The following ZMAT1 variants were observed in gnomAD, a reference collection of about 807,000 sequenced individuals.
ZMAT1 encodes zinc finger matrin-type 1.
ZMAT1 carries 11 observed loss-of-function variants against 18.5 expected under a neutral mutation model. The ratio of observed to expected loss-of-function variants is 0.59; its 90% CI spans 0.37 to 0.98. ZMAT1 has a LOEUF of 0.98. ZMAT1 is among the 50% of genes least tolerant of loss of function. The probability of loss-of-function intolerance (pLI) is 0.01; values close to 1 mark genes in which losing one functional copy is unlikely to be tolerated. For synonymous variants in ZMAT1, 211 were observed against 176.4 expected (o/e 1.20, Z -1.55); for missense variants, 525 against 496.2 (o/e 1.06, Z -0.55).
rs1308759146 is a variant in ZMAT1 at position 101,884,509 on chromosome X, A to G, written c.1089T>C (p.Asp363=). Residue 363 remains aspartate (D), a synonymous_variant, in exon 6 of 6, where the codon GAT becomes GAC. Transcript: ENST00000651725. ...GTACTTTGATGTAATCTTCAAGTTC[A>G]TCTTGGAAAGAGTCATATGTCTTCT... ...HSKKTYDSFQ[D]ELEDYIKVQK... 5 of 1,211,362 alleles carry G rather than the reference A, an allele frequency of 4.1e-6. No homozygotes were observed. In the East Asian group the frequency reaches 1.5e-4, roughly 36 times the overall value.
At chrX:101,892,081 G>A (rs982154811) in intron 4 of ZMAT1, among the ~76,000 whole-genome samples, 1 of 110,833 alleles carries the variant, frequency 9.0e-6, no homozygotes, top group African/African-American at 3.3e-5. Flanking sequence ...GGAGTGTAGC[G>A]GGGGAAGAGA....
chrX:101,905,293 T>C (rs1928533859), intron 1 of ZMAT1, among the ~76,000 whole-genome samples: 1 of 112,429 alleles, frequency 8.9e-6, no homozygotes, highest in African/African-American at 3.2e-5. Flanking sequence ...TATCTAGAAA[T>C]GTATGCTATA....
intron 1 of ZMAT1, among the ~76,000 whole-genome samples, chrX:101,928,350 TTTTC>T (rs1460690923): frequency 8.9e-6 from 1 of 111,843 alleles, no homozygotes; most frequent in African/African-American, 3.3e-5. Flanking sequence ...ACCCACTAGA[TTTTC>T]TTTTTCTTTC....
chrX:101,904,371 A>C lies in ZMAT1; in HGVS notation c.293-41T>G, dbSNP rs772093922. On this transcript the variant is annotated intron_variant, in intron 1 of 5. Transcript: ENST00000651725. The stretch of plus-strand genomic sequence containing the variant: ...GGAAGACAAATATATCACATTAATA[A>C]ATATTTAGAGGTATCATTTTTCATT... The C allele has an allele frequency of 3.1e-6, 3 of 972,367 alleles. 1 individual carries two copies. The South Asian group carries it at 6.7e-5, about 22-fold the overall frequency. The allele number at this position is 972,367 out of a possible 1,213,427, so 80.1% of individuals were successfully genotyped here.
intron 4 of ZMAT1, among the ~76,000 whole-genome samples, chrX:101,893,601 G>A (rs763130815): frequency 3.0e-4 from 34 of 111,680 alleles, no homozygotes; most frequent in African/African-American, 1.1e-3. Context: ...CTATTGAAGT[G>A]GTCCTATTTC....
At position 101,918,937 on chromosome X, in the gene ZMAT1, C is replaced by T. The variant is rs1055537855; in HGVS notation, c.292+12780G>A. On this transcript the variant is annotated intron_variant, in intron 1 of 5. Coordinates refer to ENST00000651725, the MANE Select transcript of ZMAT1 (RefSeq NM_001394560.1). ...CATTTCCATGAAGCCTATGAAAATA[C>T]TAGTGCTCCTATAACTTTTCGTTTA... Among the ~76,000 whole-genome samples, 8 of 110,869 alleles carry T rather than the reference C, an allele frequency of 7.2e-5. No homozygotes were observed. In the East Asian group the frequency reaches 2.3e-3, roughly 32 times the overall value.
At chrX:101,888,676 T>C (rs1232281876) in intron 4 of ZMAT1, 1 of 111,730 alleles carries the variant, frequency 9.0e-6, no homozygotes, top group African/African-American at 3.3e-5. Context: ...TGTCTTTGAA[T>C]GTGACTCAAC....
chrX:101,891,632 T>G (rs758721162), intron 4 of ZMAT1, among the ~76,000 whole-genome samples: 76 of 110,773 alleles, frequency 6.9e-4, no homozygotes, highest in African/African-American at 2.4e-3. Context: ...TGCCATTCTT[T>G]AAAGAAAGAT....
chrX:101,885,699 C>A (rs1430523387), intron 5 of ZMAT1, among the ~76,000 whole-genome samples: 1 of 111,075 alleles, frequency 9.0e-6, no homozygotes, highest in Non-Finnish European at 1.9e-5. Flanking sequence ...TATTTATTTT[C>A]TTGAGACAGG....
intron 2 of ZMAT1, among the ~76,000 whole-genome samples, chrX:101,900,552 A>C (rs1455540912): frequency 8.9e-6 from 1 of 111,841 alleles, no homozygotes; most frequent in African/African-American, 3.3e-5. Context: ...CATTTGTTGA[A>C]TAGGGTGTCC....
chrX:101,908,078 C>T (rs182667634), intron 1 of ZMAT1, among the ~76,000 whole-genome samples: 7 of 112,093 alleles, frequency 6.2e-5, no homozygotes, highest in East Asian at 2.8e-4. Flanking sequence ...TAACTAGAAA[C>T]GTGTAAAAAA....
At chrX:101,917,329 G>T (rs181265471) in intron 1 of ZMAT1, among the ~76,000 whole-genome samples, 28 of 111,748 alleles carry the variant, frequency 2.5e-4, no homozygotes, top group African/African-American at 8.5e-4. Context: ...GGAACTCAAA[G>T]AACTCCAATG....
intron 1 of ZMAT1, among the ~76,000 whole-genome samples, chrX:101,920,400 T>C (rs1929643356): frequency 8.9e-6 from 1 of 111,751 alleles, no homozygotes; most frequent in Non-Finnish European, 1.9e-5. Flanking sequence ...GAGATGGAGC[T>C]TTGACTTTAC....
intron 1 of ZMAT1, among the ~76,000 whole-genome samples, chrX:101,914,846 G>A (rs1006359812): frequency 1.4e-4 from 16 of 111,553 alleles, no homozygotes; most frequent in African/African-American, 5.2e-4. Flanking sequence ...TATGATGCCA[G>A]TATTACCCTG....
At chrX:101,886,787 C>T in intron 4 of ZMAT1, 56 bp from the exon 5 acceptor site, 1 of 847,591 alleles carries the variant, frequency 1.2e-6, no homozygotes, top group South Asian at 2.5e-5. Context: ...TTTAGAATCA[C>T]ATAATGTTAG....
In ZMAT1 at chrX:101,898,226, A is replaced by G. The variant is rs1927968727; in HGVS notation, c.400-6T>C. The G allele has an allele frequency of 1.7e-6, 2 of 1,187,876 alleles. No homozygotes were observed. Among genetic ancestry groups the G allele is most frequent in the African/African-American group, 3.5e-5 (2 of 56,867 alleles). Reference sequence around the variant, plus strand: ...TTTTGAGCATGTTTTTCACCCTGAAAAAAGATATAATATGACTTTGTTTAT... The same window carrying G: ...TTTTGAGCATGTTTTTCACCCTGAAGAAAGATATAATATGACTTTGTTTAT... On this transcript the variant is annotated splice_region_variant and splice_polypyrimidine_tract_variant and intron_variant, in intron 2 of 5. Coordinates refer to ENST00000651725, the MANE Select transcript of ZMAT1 (RefSeq NM_001394560.1).
intron 4 of ZMAT1, among the ~76,000 whole-genome samples, chrX:101,893,966 A>G (rs1461903223): frequency 9.0e-6 from 1 of 111,123 alleles, no homozygotes; most frequent in Non-Finnish European, 1.9e-5. Flanking sequence ...GATGGTGGAG[A>G]GCTATGAAGC....
chrX:101,919,370 A>C (rs1929568393), intron 1 of ZMAT1, among the ~76,000 whole-genome samples: 2 of 112,034 alleles, frequency 1.8e-5, no homozygotes, highest in Admixed American at 1.9e-4. Context: ...CTGAATGTTC[A>C]AAAATTTTGA....
rs754121904 is a variant in ZMAT1 at position 101,906,585 on chromosome X, C to A, written c.293-2255G>T. On this transcript the variant is annotated intron_variant, in intron 1 of 5. Coordinates refer to ENST00000651725, the MANE Select transcript of ZMAT1 (RefSeq NM_001394560.1). The stretch of plus-strand genomic sequence containing the variant: ...TCAGTGTTCCAGCAGACCCAGGGCC[C>A]ACCCAGGCCAGTTCCAGTAGACCAC... 2.7e-4 allele frequency among the ~76,000 whole-genome samples: 30 copies of A among 112,153 alleles called. 3 individuals carry two copies. The highest frequency in any genetic ancestry group is 2.3e-3 in the East Asian group (8 of 3,525).
Sources: gnomAD v4.1 joint callset for allele counts (sites outside exome capture counted in the v4.1 genomes callset) on GRCh38, gnomAD v4.1.1 for gene constraint, MANE v1.5 for transcripts, NCBI Gene and HGNC (gene_info 2026-07-23, HGNC 2026-07-21) for gene names.